Variants in MECOM observed in about 807,000 individuals in gnomAD.
MECOM encodes histone-lysine N-methyltransferase MECOM.
Under a neutral mutation model 116.3 loss-of-function variants are expected in MECOM, and 13 were observed. That is an observed-to-expected ratio of 0.11 (90% confidence interval 0.07 to 0.18). The LOEUF (loss-of-function observed/expected upper bound fraction) is 0.18. Ranked by LOEUF, MECOM falls within the 10% of genes least tolerant of loss-of-function variation. The pLI is 1.00. For synonymous variants in MECOM, 528 were observed against 535.2 expected (o/e 0.99, Z 0.19); for missense variants, 1,299 against 1,509.0 (o/e 0.86, Z 2.31).
intron 1 of MECOM, among the ~76,000 whole-genome samples, chr3:169,584,122 C>T (rs1372264384): frequency 6.6e-6 from 1 of 152,052 alleles, no homozygotes; most frequent in Non-Finnish European, 1.5e-5. Context: ...AGTCCATAAG[C>T]AAGTTTTGTT....
intron 2 of MECOM, among the ~76,000 whole-genome samples, chr3:169,274,976 A>G (rs1047769567): frequency 1.3e-5 from 2 of 152,236 alleles, no homozygotes; most frequent in Admixed American, 1.3e-4. Context: ...AAGAACCTTT[A>G]TTCTTTCTTT....
At chr3:169,622,847 G>T (rs1323551137) in intron 1 of MECOM, among the ~76,000 whole-genome samples, 1 of 152,054 alleles carries the variant, frequency 6.6e-6, no homozygotes, top group Admixed American at 6.5e-5. Context: ...CCCAGGTCAT[G>T]GTTGCTAGAA....
chr3:169,325,682 C>T (rs1484946847), intron 2 of MECOM, among the ~76,000 whole-genome samples: 2 of 152,170 alleles, frequency 1.3e-5, no homozygotes, highest in Admixed American at 6.5e-5. Flanking sequence ...GCCTTTATTT[C>T]CTTTCTAGAA....
intron 1 of MECOM, among the ~76,000 whole-genome samples, chr3:169,605,945 G>C (rs1475351343): frequency 6.6e-6 from 1 of 152,150 alleles, no homozygotes; most frequent in Non-Finnish European, 1.5e-5. Flanking sequence ...CAGAATGAGA[G>C]AGATGACTCT....
At chr3:169,179,964 T>G (rs772432493) in intron 2 of MECOM, among the ~76,000 whole-genome samples, 5 of 152,192 alleles carry the variant, frequency 3.3e-5, no homozygotes, top group Non-Finnish European at 5.9e-5. Context: ...TGACTTGTTC[T>G]CTATTAAAAT....
chr3:169,540,030 C>T (rs895299505), intron 1 of MECOM, among the ~76,000 whole-genome samples: 8 of 152,146 alleles, frequency 5.3e-5, no homozygotes, highest in Non-Finnish European at 1.2e-4. Context: ...TGTCTGCATG[C>T]CAGACTTCCG....
chr3:169,461,253 T>C (rs1445428330), intron 1 of MECOM, among the ~76,000 whole-genome samples: 1 of 152,140 alleles, frequency 6.6e-6, no homozygotes. Flanking sequence ...AATGATCAGC[T>C]TCTAAATGAT....
chr3:169,607,372 A>C (rs572237708), intron 1 of MECOM, among the ~76,000 whole-genome samples: 27 of 152,364 alleles, frequency 1.8e-4, no homozygotes, highest in African/African-American at 4.6e-4. Context: ...TAAAATAACA[A>C]CACCAGCAGA....
At chr3:169,466,633 C>T (rs1446925243) in intron 1 of MECOM, among the ~76,000 whole-genome samples, 1 of 151,756 alleles carries the variant, frequency 6.6e-6, no homozygotes, top group African/African-American at 2.4e-5. Context: ...TTTCCTCTTT[C>T]ACTTCGGCCT....
intron 2 of MECOM, among the ~76,000 whole-genome samples, chr3:169,187,229 A>T (rs1746900516): frequency 6.6e-6 from 1 of 152,080 alleles, no homozygotes; most frequent in Non-Finnish European, 1.5e-5. Context: ...AGATTTTAAG[A>T]GTCTCTTCCT....
intron 2 of MECOM, chr3:169,147,476 G>A (rs922344921): frequency 7.1e-6 from 7 of 985,372 alleles, no homozygotes; most frequent in African/African-American, 5.2e-5. Context: ...TGATCTGATC[G>A]GAAGCCAGAC....
At chr3:169,308,980 G>A (rs922988958) in intron 2 of MECOM, among the ~76,000 whole-genome samples, 79 of 152,114 alleles carry the variant, frequency 5.2e-4, no homozygotes, top group African/African-American at 1.8e-3. Flanking sequence ...TAACTCAAGT[G>A]GCCAAGTTTT....
At chr3:169,475,655 A>G (rs999498336) in intron 1 of MECOM, among the ~76,000 whole-genome samples, 11 of 152,064 alleles carry the variant, frequency 7.2e-5, no homozygotes, top group South Asian at 2.1e-4. Context: ...CCTTAAATGC[A>G]TATTTAAAAT....
intron 2 of MECOM, among the ~76,000 whole-genome samples, chr3:169,215,585 C>G (rs1334927575): frequency 6.6e-6 from 1 of 152,136 alleles, no homozygotes; most frequent in African/African-American, 2.4e-5. Flanking sequence ...TGACTTTTTA[C>G]TCTTATTATT....
chr3:169,580,476 T>A (rs1765006139), intron 1 of MECOM, among the ~76,000 whole-genome samples: 1 of 152,148 alleles, frequency 6.6e-6, no homozygotes, highest in Non-Finnish European at 1.5e-5. Flanking sequence ...TAAAACTAAA[T>A]GAATAAAATA....
intron 1 of MECOM, among the ~76,000 whole-genome samples, chr3:169,411,549 G>A (rs1012931055): frequency 2.0e-5 from 3 of 152,152 alleles, no homozygotes; most frequent in East Asian, 1.9e-4. Flanking sequence ...CCTGACGTCC[G>A]CACTCTGAGA....
intron 1 of MECOM, among the ~76,000 whole-genome samples, chr3:169,438,264 T>A (rs1267592400): frequency 6.6e-6 from 1 of 152,064 alleles, no homozygotes; most frequent in Non-Finnish European, 1.5e-5. Context: ...GTTTTTTTTT[T>A]AAAGATTATT....
chr3:169,333,963 T>C (rs1723166309), intron 2 of MECOM, among the ~76,000 whole-genome samples: 1 of 149,342 alleles, frequency 6.7e-6, no homozygotes, highest in Admixed American at 6.7e-5. Flanking sequence ...ACCCAGACGG[T>C]AGCAATTCTG....
chr3:169,501,835 T>G (rs1002400377), intron 1 of MECOM, among the ~76,000 whole-genome samples: 1 of 152,134 alleles, frequency 6.6e-6, no homozygotes, highest in African/African-American at 2.4e-5. Context: ...GCTTTTATTT[T>G]TTTAATTTAT....
Sources: allele counts gnomAD v4.1 joint callset (sites outside exome capture counted in the v4.1 genomes callset), GRCh38; gene constraint gnomAD v4.1.1; transcripts MANE v1.5; gene names NCBI Gene and HGNC (gene_info 2026-07-23, HGNC 2026-07-21).